Variants in ATP13A4 observed in about 807,000 individuals in gnomAD.
ATP13A4 encodes the protein ATPase 13A4, also known as probable cation-transporting ATPase 13A4.
A neutral mutation model predicts 142.5 loss-of-function variants in ATP13A4; 114 were observed. That is an observed-to-expected ratio of 0.80 (90% CI 0.69 to 0.93). The LOEUF (loss-of-function observed/expected upper bound fraction) is 0.93. Ranked by LOEUF, ATP13A4 falls within the 40% of genes least tolerant of loss-of-function variation. The pLI is 0.00. For missense variants in ATP13A4, 1,392 were observed against 1,454.0 expected (o/e 0.96, Z 0.69); for synonymous variants, 488 against 514.8 (o/e 0.95, Z 0.70).
chr3:193,425,640 T>C lies in ATP13A4; in HGVS notation c.2842+8205A>G, dbSNP rs112370490. Among the ~76,000 whole-genome samples, 1,028 of 151,792 alleles carry C rather than the reference T, an allele frequency of 6.8e-3. 19 individuals are homozygous for C. The highest frequency in any genetic ancestry group is 0.023 in the African/African-American group (955 of 41,486). Reference sequence around the variant, plus strand: ...ACAAATTCCACATGACCTCACTCATTTGTAGAATCAAAAAAAGTTGATCTC... The same window carrying C: ...ACAAATTCCACATGACCTCACTCATCTGTAGAATCAAAAAAAGTTGATCTC... On this transcript the variant is annotated intron_variant, in intron 25 of 29. Transcript: ENST00000342695.
At chr3:193,523,140 T>TA (rs1316970672) in intron 1 of ATP13A4, among the ~76,000 whole-genome samples, 2 of 152,032 alleles carry the variant, frequency 1.3e-5, no homozygotes, top group Non-Finnish European at 2.9e-5. Context: ...CCGTCTCTAC[T>TA]AAAAATTCCA....
chr3:193,455,294 T>C (rs530132469), intron 16 of ATP13A4, among the ~76,000 whole-genome samples: 25 of 142,668 alleles, frequency 1.8e-4, no homozygotes, highest in African/African-American at 6.6e-4. Flanking sequence ...TGAGCCGAGA[T>C]TGCGCCACTG....
At chr3:193,556,011 A>C (rs542243537), upstream of ATP13A4, among the ~76,000 whole-genome samples, 7 of 152,356 alleles carry the variant, frequency 4.6e-5, no homozygotes, top group East Asian at 1.9e-4. Flanking sequence ...CTAAATGTGC[A>C]TTTGAACAGT....
chr3:193,558,693 A>C (rs1577080946), upstream of ATP13A4, among the ~76,000 whole-genome samples: 1 of 152,210 alleles, frequency 6.6e-6, no homozygotes, highest in East Asian at 1.9e-4. Flanking sequence ...TTATTAACAA[A>C]GGAGACAGAG....
rs747869258 is a variant in ATP13A4, at chr3:193,414,579, C to G, written c.3014G>C (p.Ser1005Thr). The change falls in exon 26 of 30, where the codon AGT becomes ACT. Residue 1005 changes from serine to threonine, a missense_variant and splice_region_variant. Coordinates refer to ENST00000342695, the MANE Select transcript of ATP13A4 (RefSeq NM_032279.4). ...GCAGAAGCTGAGACTATACTCATAC[C>G]TGTGTATCTCCACGGAATACCAAGG... Reference protein sequence around the residue: ...RQPWYSVEIHSACTVQNESIS... With the variant: ...RQPWYSVEIHTACTVQNESIS... The G allele has an allele frequency of 6.2e-7, 1 of 1,613,586 alleles. No individual in the cohort carries two copies. Among genetic ancestry groups the G allele is most frequent in the South Asian group, 1.1e-5 (1 of 91,066 alleles).
chr3:193,411,536 A>G (rs1714765525), intron 27 of ATP13A4, among the ~76,000 whole-genome samples: 1 of 152,220 alleles, frequency 6.6e-6, no homozygotes, highest in Non-Finnish European at 1.5e-5. Flanking sequence ...CTGAACAAAT[A>G]AATTTTTATG....
chr3:193,459,083 AG>A lies in ATP13A4; in HGVS notation c.1671del (p.Trp558GlyfsTer21), dbSNP rs985861302. On this transcript the variant is annotated frameshift_variant, in exon 14 of 30. Coordinates refer to ENST00000342695, the MANE Select transcript of ATP13A4 (RefSeq NM_032279.4). LOFTEE classifies it high-confidence loss of function. The part of the protein sequence containing the change: ...PLDLKMFEAT[T>X]WEMAFSGDDF... ...TTCTCTGAAGAGCAGAGGCTTACCC[AG>A]GTGGTGGCTTCAAACATTTTGAGGT... 6.2e-7 allele frequency: 1 copy of A among 1,614,262 alleles called. No individual in the cohort carries two copies. Among genetic ancestry groups the A allele is most frequent in the African/African-American group, 1.3e-5 (1 of 75,076 alleles).
intron 26 of ATP13A4, among the ~76,000 whole-genome samples, chr3:193,414,138 G>A (rs933159700): frequency 2.6e-5 from 4 of 152,168 alleles, no homozygotes; most frequent in African/African-American, 9.7e-5. Context: ...TTGGGGGCAG[G>A]TTCCCCCGAT....
intron 12 of ATP13A4, among the ~76,000 whole-genome samples, chr3:193,463,086 T>C (rs559017479): frequency 1.3e-5 from 2 of 152,142 alleles, no homozygotes; most frequent in South Asian, 4.2e-4. Context: ...ATTAACAAGA[T>C]CAGCACTTCA....
intron 7 of ATP13A4, among the ~76,000 whole-genome samples, chr3:193,487,390 G>A (rs1043548365): frequency 1.3e-5 from 2 of 152,166 alleles, no homozygotes; most frequent in Non-Finnish European, 2.9e-5. Flanking sequence ...AATGGAAAAC[G>A]TGATTAGAGT....
At chr3:193,403,753 T>A in intron 29 of ATP13A4, 2 of 984,498 alleles carry the variant, frequency 2.0e-6, no homozygotes, top group South Asian at 4.7e-5. Flanking sequence ...TTTTCCACTT[T>A]TATCATGTTT....
intron 12 of ATP13A4, among the ~76,000 whole-genome samples, chr3:193,463,946 G>C (rs1398655994): frequency 6.6e-6 from 1 of 152,130 alleles, no homozygotes; most frequent in Non-Finnish European, 1.5e-5. Context: ...AATGAATATA[G>C]CTTCAGTTTG....
At position 193,429,098 on chromosome 3, in the gene ATP13A4, AATAAG is replaced by A. The variant is rs373574309; in HGVS notation, c.2842+4742_2842+4746del. 6.2e-4 allele frequency among the ~76,000 whole-genome samples: 94 copies of A among 152,176 alleles called. 1 individual carries two copies. The highest frequency in any genetic ancestry group is 2.1e-3 in the African/African-American group (87 of 41,528). On this transcript the variant is annotated intron_variant, in intron 25 of 29. Transcript: ENST00000342695. ...TTAGAGAAATGCAAGTCAAAATCAT[AATAAG>A]ATATCACTCCAAACCTATTAGGATG...
chr3:193,526,905 T>G (rs193011705), intron 1 of ATP13A4, among the ~76,000 whole-genome samples: 10 of 152,252 alleles, frequency 6.6e-5, no homozygotes, highest in Admixed American at 3.3e-4. Flanking sequence ...TATTATTAAA[T>G]CGGTTGCATA....
intron 25 of ATP13A4, among the ~76,000 whole-genome samples, chr3:193,425,630 C>T (rs1426396211): frequency 6.6e-6 from 1 of 151,676 alleles, no homozygotes; most frequent in Non-Finnish European, 1.5e-5. Flanking sequence ...TTCCACATGA[C>T]CTCACTCATT....
At chr3:193,434,401 A>T (rs749281031) in intron 24 of ATP13A4, among the ~76,000 whole-genome samples, 3 of 152,222 alleles carry the variant, frequency 2.0e-5, no homozygotes, top group Non-Finnish European at 4.4e-5. Context: ...CTAGCAAAAC[A>T]TCTTAATAGT....
intron 13 of ATP13A4, among the ~76,000 whole-genome samples, chr3:193,461,404 T>C (rs1250411616): frequency 6.6e-6 from 1 of 152,216 alleles, no homozygotes; most frequent in Non-Finnish European, 1.5e-5. Flanking sequence ...TACACATATT[T>C]TGCAGAAGCT....
intron 25 of ATP13A4, among the ~76,000 whole-genome samples, chr3:193,415,644 G>A (rs1490200145): frequency 6.6e-6 from 1 of 152,196 alleles, no homozygotes; most frequent in Admixed American, 6.5e-5. Flanking sequence ...CTGAAGGATT[G>A]ATGCAGGCAC....
intron 25 of ATP13A4, among the ~76,000 whole-genome samples, chr3:193,433,564 CA>C (rs1716096083): frequency 6.6e-6 from 1 of 152,166 alleles, no homozygotes; most frequent in Admixed American, 6.5e-5. Context: ...TCCTGATTTT[CA>C]AGCTGCTTTT....
Sources: allele counts gnomAD v4.1 joint callset (sites outside exome capture counted in the v4.1 genomes callset), GRCh38; gene constraint gnomAD v4.1.1; transcripts MANE v1.5; gene names NCBI Gene and HGNC (gene_info 2026-07-23, HGNC 2026-07-21).